The following TARS2 variants were observed in gnomAD, a reference collection of about 807,000 sequenced individuals.
TARS2 encodes the protein threonyl-tRNA synthetase 2, mitochondrial.
A neutral mutation model predicts 94.4 loss-of-function variants in TARS2; 61 were observed. The ratio of observed to expected loss-of-function variants is 0.65; its 90% CI spans 0.53 to 0.80. The LOEUF (loss-of-function observed/expected upper bound fraction) is 0.80, where lower values mean the gene tolerates loss of function less well. TARS2 is among the 30% of genes least tolerant of loss of function. The pLI is 0.00. For missense variants in TARS2, 704 were observed against 902.5 expected (o/e 0.78, Z 2.82); for synonymous variants, 359 against 353.4 (o/e 1.02, Z -0.18).
intron 2 of TARS2, 124 bp from the exon 3 acceptor site, chr1:150,488,840 C>G (rs1343209698): frequency 1.4e-6 from 2 of 1,397,896 alleles, no homozygotes; most frequent in Non-Finnish European, 1.9e-6. Context: ...AACTATCACT[C>G]TATTCTCTAC....
rs1164731990 is a variant in TARS2, at chr1:150,504,921, C to A, written c.1836C>A (p.Ser612=). The change falls in exon 16 of 18, where the codon TCC becomes TCA. Residue 612 remains serine (S), a synonymous_variant. Transcript: ENST00000369064. ...TCCCTACCAGGCCACTGTGGCTGTC[C>A]CCGTTCCAGGTGGTGGTCATCCCTG... ...SCGGKWPLWL[S]PFQVVVIPVG... 3.1e-6 allele frequency: 5 copies of A among 1,614,074 alleles called. No individual in the cohort carries two copies. Among genetic ancestry groups the A allele is most frequent in the Admixed American group, 3.3e-5 (2 of 60,002 alleles).
chr1:150,499,238 A>G lies in TARS2; in HGVS notation c.1562A>G (p.Glu521Gly). Residue 521 changes from glutamate (E) to glycine (G), a missense_variant, in exon 13 of 18, where the codon GAA becomes GGA. Coordinates refer to ENST00000369064, the MANE Select transcript of TARS2 (RefSeq NM_025150.5). Reference sequence around the variant, plus strand: ...AAGGTCCTTAAACAGGCCCTGAAGGAATTTGGAGAACCCTGGGACCTCAAC... The same window carrying G: ...AAGGTCCTTAAACAGGCCCTGAAGGGATTTGGAGAACCCTGGGACCTCAAC... Reference protein sequence around the residue: ...AEQVLKQALKEFGEPWDLNSG... With the variant: ...AEQVLKQALKGFGEPWDLNSG... 1 of 1,614,098 alleles carries G rather than the reference A, an allele frequency of 6.2e-7. No homozygotes were observed.
chr1:150,489,246 T>G, intron 3 of TARS2, 159 bp downstream of exon 3: 1 of 1,088,638 alleles, frequency 9.2e-7, no homozygotes, highest in Middle Eastern at 2.0e-4. Flanking sequence ...AGGAAACTTA[T>G]GGTGAAAGTT....
At chr1:150,500,017 A>AC (rs1367433120) in intron 13 of TARS2, among the ~76,000 whole-genome samples, 7 of 151,888 alleles carry the variant, frequency 4.6e-5, no homozygotes, top group Non-Finnish European at 1.0e-4. Flanking sequence ...CCAAAAAAAA[A>AC]AAAAAAAATT....
chr1:150,499,155 C>A (rs587710336), intron 12 of TARS2, 61 bp from the exon 13 acceptor site: 2 of 1,610,124 alleles, frequency 1.2e-6, no homozygotes, highest in African/African-American at 2.7e-5. Flanking sequence ...GGGGACTGAC[C>A]GGATGTGTTG....
intron 10 of TARS2, among the ~76,000 whole-genome samples, chr1:150,498,131 T>C (rs939608106): frequency 6.6e-6 from 1 of 151,554 alleles, no homozygotes; most frequent in African/African-American, 2.4e-5. Context: ...GGAAAGAGTA[T>C]TGGGACACCG....
In TARS2 at chr1:150,488,935, T is replaced by G. The variant is rs750462145; in HGVS notation, c.264-29T>G. 28 of 1,605,460 alleles carry G rather than the reference T, an allele frequency of 1.7e-5. No homozygotes were observed. The Admixed American group carries it at 4.5e-4, about 26-fold the overall frequency. On this transcript the variant is annotated intron_variant, in intron 2 of 17. Transcript: ENST00000369064. ...TTTTGTGCCTTGTAACCCTGTCTTTTTCTTCATCCCCACCTTCCACTGCTG... is the reference window on the plus strand; with the variant it reads ...TTTTGTGCCTTGTAACCCTGTCTTTGTCTTCATCCCCACCTTCCACTGCTG...
At position 150,504,322 on chromosome 1, in the gene TARS2, C is replaced by A; in HGVS notation, c.1618-13C>A. The A allele has an allele frequency of 1.2e-6, 2 of 1,613,828 alleles. No homozygotes were observed. Among genetic ancestry groups the A allele is most frequent in the Non-Finnish European group, 1.7e-6 (2 of 1,179,834 alleles). On this transcript the variant is annotated splice_polypyrimidine_tract_variant and intron_variant, in intron 13 of 17. Coordinates refer to ENST00000369064, the MANE Select transcript of TARS2 (RefSeq NM_025150.5). Reference sequence around the variant, plus strand: ...TCTGGCTTATCTCGTGCCTTCCCATCTGTTTCCTGTAGATTGACGTGCACC... The same window carrying A: ...TCTGGCTTATCTCGTGCCTTCCCATATGTTTCCTGTAGATTGACGTGCACC...
Position 150,498,533 on chromosome 1 carries a change from C to T in TARS2, c.1270C>T (p.Arg424Trp), listed in dbSNP as rs375485284. The part of the protein sequence containing the change: ...LMFAHRPRSW[R>W]ELPLRLADFG... ...GTTCGCCCACCGGCCCAGATCCTGG[C>T]GGGAACTGCCCCTGCGACTAGCTGA... Residue 424 changes from arginine (R) to tryptophan (W), a missense_variant, in exon 11 of 18, where the codon CGG becomes TGG. Coordinates refer to ENST00000369064, the MANE Select transcript of TARS2 (RefSeq NM_025150.5). 21 of 1,597,594 alleles carry T rather than the reference C, an allele frequency of 1.3e-5. No homozygotes were observed. Among genetic ancestry groups the T allele is most frequent in the Non-Finnish European group, 1.7e-5 (20 of 1,174,210 alleles).
chr1:150,497,949 C>T (rs948429983), intron 10 of TARS2, among the ~76,000 whole-genome samples: 13 of 152,012 alleles, frequency 8.6e-5, no homozygotes, highest in Middle Eastern at 3.4e-3. Context: ...AAAAATTAGC[C>T]GGGCACGGTG....
chr1:150,496,954 A>G (rs1299077651), intron 9 of TARS2, 46 bp downstream of exon 9: 1 of 1,575,686 alleles, frequency 6.3e-7, no homozygotes, highest in Non-Finnish European at 8.7e-7. Flanking sequence ...GGAGGGGCTG[A>G]GGGACTAGAA....
At chr1:150,496,722 C>G in intron 8 of TARS2, 88 bp from the exon 9 acceptor site, 1 of 1,599,722 alleles carries the variant, frequency 6.3e-7, no homozygotes, top group Non-Finnish European at 8.5e-7. Flanking sequence ...TTCAGTCACA[C>G]AGACTGAGCA....
In TARS2 at chr1:150,498,512, G is replaced by T. The variant is rs748693090; in HGVS notation, c.1249G>T (p.Ala417Ser). The T allele has an allele frequency of 1.3e-6, 2 of 1,579,262 alleles. No homozygotes were observed. Among genetic ancestry groups the T allele is most frequent in the East Asian group, 2.2e-5 (1 of 44,474 alleles). The change falls in exon 11 of 18, where the codon GCC becomes TCC. Residue 417 changes from alanine (A) to serine (S), a missense_variant. Physicochemically the swap from Ala to Ser is moderately conservative, Grantham distance 99 (BLOSUM62 1). Around this residue, in one of 3 missense-constraint regions of TARS2, gnomAD observed 466 missense variants for 609.5 expected, o/e 0.76. Coordinates refer to ENST00000369064, the MANE Select transcript of TARS2 (RefSeq NM_025150.5). ...MNCPAHCLMF[A>S]HRPRSWRELP... is the part of the protein sequence containing the mutation. ...GCACCCCAACCTCAGCCTGATGTTC[G>T]CCCACCGGCCCAGATCCTGGCGGGA... is the stretch of plus-strand genomic sequence containing the variant.
chr1:150,496,764 C>G, intron 8 of TARS2, 46 bp from the exon 9 acceptor site: 3 of 1,610,808 alleles, frequency 1.9e-6, no homozygotes, highest in Non-Finnish European at 2.5e-6. Context: ...TCCAAAGCCA[C>G]CTCCTTGCCC....
chr1:150,490,093 CTTCT>C (rs1212656126), intron 3 of TARS2, among the ~76,000 whole-genome samples: 1 of 144,872 alleles, frequency 6.9e-6, no homozygotes, highest in Non-Finnish European at 1.5e-5. Flanking sequence ...AAATACTGGC[CTTCT>C]TTCTTTTCTA....
At position 150,497,739 on chromosome 1, in the gene TARS2, TGCACACTGGTAAGCTGGGA is replaced by T; in HGVS notation, c.1233_1238+13del. On this transcript the variant is annotated splice_donor_variant and splice_donor_5th_base_variant and coding_sequence_variant and intron_variant, in exon 10 of 18. Transcript: ENST00000369064. LOFTEE classifies it high-confidence loss of function. The stretch of plus-strand genomic sequence containing the variant: ...TCGCCCTCAAGCCTATGAACTGCCC[TGCACACTGGTAAGCTGGGA>T]GCTAGGGTTACAATCAGGTTGCTAA... 1 of 1,613,844 alleles carries T rather than the reference TGCACACTGGTAAGCTGGGA, an allele frequency of 6.2e-7. No individual in the cohort carries two copies. The highest frequency in any genetic ancestry group is 8.5e-7 in the Non-Finnish European group (1 of 1,179,906).
At position 150,496,533 on chromosome 1, in the gene TARS2, G is replaced by C; in HGVS notation, c.826G>C (p.Val276Leu). 1 of 1,614,162 alleles carries C rather than the reference G, an allele frequency of 6.2e-7. No homozygotes were observed. The highest frequency in any genetic ancestry group is 8.5e-7 in the Non-Finnish European group (1 of 1,180,042). The change falls in exon 8 of 18, where the codon GTG becomes CTG. Residue 276 changes from valine to leucine, a missense_variant. Transcript: ENST00000369064. ...SSGAPETLQR[V>L]SGISFPTTEL... Reference sequence around the variant, plus strand: ...AGGGGCCCCAGAGACACTGCAGAGAGTGTCAGGGATTTCCTTCCCCACAAC... The same window carrying C: ...AGGGGCCCCAGAGACACTGCAGAGACTGTCAGGGATTTCCTTCCCCACAAC...
chr1:150,496,805 C>G lies in TARS2; in HGVS notation c.922-5C>G, dbSNP rs1329022872. Reference sequence around the variant, plus strand: ...GTGACCCAATATTGCTATTCCTGACCCCAGGAACAGGAGCTCTTCTTCTTC... The same window carrying G: ...GTGACCCAATATTGCTATTCCTGACGCCAGGAACAGGAGCTCTTCTTCTTC... On this transcript the variant is annotated splice_region_variant and splice_polypyrimidine_tract_variant and intron_variant, in intron 8 of 17. Coordinates refer to ENST00000369064, the MANE Select transcript of TARS2 (RefSeq NM_025150.5). 6.2e-7 allele frequency: 1 copy of G among 1,613,612 alleles called. No homozygotes were observed. Among genetic ancestry groups the G allele is most frequent in the South Asian group, 1.1e-5 (1 of 91,058 alleles).
In TARS2 at chr1:150,491,382, T is replaced by C. The variant is rs587756075; in HGVS notation, c.513-12T>C. On this transcript the variant is annotated splice_polypyrimidine_tract_variant and intron_variant, in intron 4 of 17. Transcript: ENST00000369064. ...TCATAGGATGCAACCCAACCAATTC[T>C]CCTCTTTCCAGGACAATCCGGGGCT... The C allele has an allele frequency of 6.2e-7, 1 of 1,609,410 alleles. No homozygotes were observed. Among genetic ancestry groups the C allele is most frequent in the East Asian group, 2.2e-5 (1 of 44,884 alleles).
Sources: allele counts gnomAD v4.1 joint callset (sites outside exome capture counted in the v4.1 genomes callset), GRCh38; gene constraint gnomAD v4.1.1; regional missense constraint gnomAD v4.1.1; transcripts MANE v1.5; gene names NCBI Gene and HGNC (gene_info 2026-07-23, HGNC 2026-07-21).